The following DAB1 variants were observed in gnomAD, a reference collection of about 807,000 sequenced individuals.
DAB1 encodes the protein DAB adaptor protein 1.
In DAB1, 15 loss-of-function variants were observed where a neutral mutation model predicts 64.6. That is an observed-to-expected ratio of 0.23 (90% CI 0.16 to 0.36). The LOEUF is 0.36. Among genes scored for constraint, DAB1 ranks in the 10% least tolerant of loss-of-function variants. DAB1 has a pLI of 1.00. For missense variants in DAB1, 596 were observed against 706.7 expected (o/e 0.84, Z 1.78); for synonymous variants, 235 against 251.9 (o/e 0.93, Z 0.64).
chr1:57,288,548 A>C (rs529482587), intron 2 of DAB1, among the ~76,000 whole-genome samples: 1 of 152,300 alleles, frequency 6.6e-6, no homozygotes, highest in East Asian at 1.9e-4. Context: ...GAAGATGACC[A>C]TCTATGAGCC....
chr1:57,589,426 T>C (rs1218424857), intron 7 of DAB1, among the ~76,000 whole-genome samples: 1 of 152,178 alleles, frequency 6.6e-6, no homozygotes, highest in Admixed American at 6.5e-5. Context: ...ATTTGATATA[T>C]AAAGAGCTTC....
chr1:57,757,456 C>G (rs183562720), intron 6 of DAB1, among the ~76,000 whole-genome samples: 2 of 152,096 alleles, frequency 1.3e-5, no homozygotes, highest in Admixed American at 1.3e-4. Context: ...GGTGAATACT[C>G]CCTTCCTCCT....
chr1:57,109,405 T>C (rs1385032542), intron 4 of DAB1, among the ~76,000 whole-genome samples: 1 of 152,182 alleles, frequency 6.6e-6, no homozygotes, highest in Non-Finnish European at 1.5e-5. Context: ...ACTCTTTTAG[T>C]GACCTCTTGA....
At chr1:58,010,080 G>T (rs192799455) in intron 5 of DAB1, among the ~76,000 whole-genome samples, 3 of 152,272 alleles carry the variant, frequency 2.0e-5, no homozygotes, top group African/African-American at 4.8e-5. Context: ...AGTGTAGACA[G>T]TCTGGCATGT....
chr1:57,047,006 T>C (rs988901631), intron 9 of DAB1, among the ~76,000 whole-genome samples: 1 of 152,218 alleles, frequency 6.6e-6, no homozygotes, highest in Non-Finnish European at 1.5e-5. Context: ...TTTATGCCTA[T>C]TGCCCTGACA....
chr1:57,113,696 A>C (rs1655862530), intron 4 of DAB1, among the ~76,000 whole-genome samples: 1 of 152,216 alleles, frequency 6.6e-6, no homozygotes, highest in African/African-American at 2.4e-5. Flanking sequence ...CTTGCAATCA[A>C]AAACCGGTGG....
intron 7 of DAB1, among the ~76,000 whole-genome samples, chr1:57,476,212 G>A (rs1409917503): frequency 7.4e-6 from 1 of 135,562 alleles, no homozygotes; most frequent in Non-Finnish European, 1.6e-5. Flanking sequence ...GGCAACAAGA[G>A]AGAAACTCCA....
intron 7 of DAB1, among the ~76,000 whole-genome samples, chr1:57,587,644 C>T (rs545570832): frequency 6.6e-6 from 1 of 152,294 alleles, no homozygotes; most frequent in East Asian, 1.9e-4. Context: ...ATTTACTGCT[C>T]CAGCCACTCT....
intron 7 of DAB1, among the ~76,000 whole-genome samples, chr1:57,525,704 T>C (rs1364189838): frequency 6.6e-6 from 1 of 151,976 alleles, no homozygotes. Flanking sequence ...TAAACCAAGA[T>C]ATAAGAATAT....
chr1:57,322,711 T>C (rs532495549), intron 1 of DAB1, among the ~76,000 whole-genome samples: 5 of 152,286 alleles, frequency 3.3e-5, no homozygotes, highest in Non-Finnish European at 7.4e-5. Context: ...CATACACAAA[T>C]ATAGAAATGT....
chr1:57,192,048 T>G (rs1411716562), intron 2 of DAB1, among the ~76,000 whole-genome samples: 3 of 152,128 alleles, frequency 2.0e-5, no homozygotes, highest in African/African-American at 7.2e-5. Flanking sequence ...CTGGGCACGA[T>G]GGCTCACACC....
At chr1:57,333,212 G>A (rs1038844166) in intron 1 of DAB1, among the ~76,000 whole-genome samples, 3 of 152,204 alleles carry the variant, frequency 2.0e-5, no homozygotes, top group Non-Finnish European at 4.4e-5. Flanking sequence ...AACTTTGCCT[G>A]TTTTGTTTAC....
At chr1:57,489,661 C>A (rs577790105) in intron 7 of DAB1, among the ~76,000 whole-genome samples, 1 of 147,230 alleles carries the variant, frequency 6.8e-6, no homozygotes, top group African/African-American at 2.7e-5. Flanking sequence ...TTTTGCCCAG[C>A]TGAAGCCCCA....
intron 2 of DAB1, among the ~76,000 whole-genome samples, chr1:57,246,881 A>G (rs1162931977): frequency 6.6e-6 from 1 of 152,214 alleles, no homozygotes; most frequent in South Asian, 2.1e-4. Context: ...TTGGACTTGT[A>G]TGGGGCCTGT....
Position 58,545,177 on chromosome 1 carries a change from A to G in DAB1, n.32+1526T>C, listed in dbSNP as rs76860912. Among the ~76,000 whole-genome samples the G allele has an allele frequency of 6.0e-3, 919 of 152,242 alleles. 11 individuals are homozygous for G. Among genetic ancestry groups the G allele is most frequent in the African/African-American group, 0.021 (884 of 41,530 alleles). The stretch of plus-strand genomic sequence containing the variant: ...CTGATTTACTTACACCCCACAGAAA[A>G]AGAAAGCTCTCATCTCTATGTCTAT... On this transcript the variant is annotated intron_variant and non_coding_transcript_variant, in intron 1 of 20. Transcript: ENST00000485760.
chr1:58,507,898 A>T (rs1646014005), intron 2 of DAB1, among the ~76,000 whole-genome samples: 2 of 152,180 alleles, frequency 1.3e-5, no homozygotes, highest in African/African-American at 4.8e-5. Context: ...CACAAACAAA[A>T]AACCCCTCTG....
At chr1:58,035,099 C>T (rs1374102757) in intron 5 of DAB1, among the ~76,000 whole-genome samples, 2 of 152,144 alleles carry the variant, frequency 1.3e-5, no homozygotes, top group African/African-American at 4.8e-5. Flanking sequence ...AAGAGAAAGC[C>T]CATGTGGAGA....
intron 3 of DAB1, among the ~76,000 whole-genome samples, chr1:58,461,264 T>C (rs559055736): frequency 2.0e-5 from 3 of 152,344 alleles, no homozygotes; most frequent in East Asian, 3.9e-4. Context: ...TGTGTTAATA[T>C]AGAAATATAT....
At chr1:57,983,022 G>C (rs373163367) in intron 5 of DAB1, among the ~76,000 whole-genome samples, 42 of 152,326 alleles carry the variant, frequency 2.8e-4, no homozygotes, top group Admixed American at 7.8e-4. Flanking sequence ...CTGGGTTGCA[G>C]CCAGATCTGT....
Sources: allele counts gnomAD v4.1 joint callset (sites outside exome capture counted in the v4.1 genomes callset), GRCh38; gene constraint gnomAD v4.1.1; transcripts MANE v1.5; gene names NCBI Gene and HGNC (gene_info 2026-07-23, HGNC 2026-07-21).